POU6F2: variants seen among roughly 807,000 people sequenced by gnomAD.
POU6F2 encodes the protein POU class 6 homeobox 2, also known as POU domain, class 6, transcription factor 2.
A neutral mutation model predicts 71.3 loss-of-function variants in POU6F2; 31 were observed. That is an observed-to-expected ratio of 0.43 (90% confidence interval 0.33 to 0.59). POU6F2 has a LOEUF of 0.59. Among genes scored for constraint, POU6F2 ranks in the 20% least tolerant of loss-of-function variants. The pLI, the probability that POU6F2 is intolerant of heterozygous loss-of-function variation, is 0.04. For missense variants in POU6F2, 783 were observed against 856.8 expected, an observed-to-expected ratio of 0.91 and a Z score of 1.07; for synonymous variants, 347 against 355.7, an observed-to-expected ratio of 0.98 and a Z score of 0.27.
intron 4 of POU6F2, among the ~76,000 whole-genome samples, chr7:39,280,628 G>A (rs67835487): frequency 0.49 from 74,017 of 152,016 alleles, 19,388 homozygotes; most frequent in East Asian, 0.69. Flanking sequence ...GTAATTTAAG[G>A]GGGGCAGTGA....
chr7:39,185,833 GTA>G (rs1469392717), intron 2 of POU6F2, among the ~76,000 whole-genome samples: 19 of 123,706 alleles, frequency 1.5e-4, no homozygotes, highest in Middle Eastern at 3.8e-3. Context: ...ATATGTATAT[GTA>G]TATGTATATG....
chr7:39,132,424 A>G (rs2280668), intron 2 of POU6F2: 66,979 of 151,922 alleles, frequency 0.44, 15,168 homozygotes, highest in East Asian at 0.69. Flanking sequence ...TGATGACCCT[A>G]CAATTTCAGA....
intron 5 of POU6F2, among the ~76,000 whole-genome samples, chr7:39,376,369 G>T (rs1351181622): frequency 6.6e-6 from 1 of 152,188 alleles, no homozygotes; most frequent in African/African-American, 2.4e-5. Flanking sequence ...AATAAACTGT[G>T]TTGGAGGAGT....
At chr7:39,006,062 T>C (rs1210162749) in intron 1 of POU6F2, among the ~76,000 whole-genome samples, 10 of 152,198 alleles carry the variant, frequency 6.6e-5, no homozygotes, top group South Asian at 2.1e-4. Context: ...TATTGTGGTA[T>C]TGGGGGGACA....
chr7:39,135,536 T>C (rs1792372925), intron 2 of POU6F2, among the ~76,000 whole-genome samples: 1 of 151,914 alleles, frequency 6.6e-6, no homozygotes, highest in South Asian at 2.1e-4. Context: ...CATTAATACA[T>C]CAAGTCAATA....
rs1345861201 is a variant in POU6F2 at position 38,990,473 on chromosome 7, G to C, written c.105+12415G>C. On this transcript the variant is annotated intron_variant, in intron 1 of 9. Transcript: ENST00000518318. ...TGTGTTATGAGTGTAAGGCCAAATA[G>C]AGTGTACTCCTAAATATCTCCTTTC... Among the ~76,000 whole-genome samples, 3 of 152,186 alleles carry C rather than the reference G, an allele frequency of 2.0e-5. No homozygotes were observed. In the East Asian group the frequency reaches 5.8e-4, roughly 29 times the overall value.
At chr7:39,012,669 G>A (rs1481221942) in intron 1 of POU6F2, among the ~76,000 whole-genome samples, 4 of 152,032 alleles carry the variant, frequency 2.6e-5, no homozygotes, top group Non-Finnish European at 4.4e-5. Flanking sequence ...TCTACTTTTG[G>A]TCTTTGATGA....
intron 4 of POU6F2, among the ~76,000 whole-genome samples, chr7:39,222,138 G>C (rs996885350): frequency 6.6e-6 from 1 of 152,206 alleles, no homozygotes; most frequent in Non-Finnish European, 1.5e-5. Flanking sequence ...GAATGTTTCA[G>C]AGGGAATGCT....
chr7:39,232,081 A>G (rs568324339), intron 4 of POU6F2, among the ~76,000 whole-genome samples: 2 of 152,360 alleles, frequency 1.3e-5, no homozygotes, highest in Non-Finnish European at 2.9e-5. Flanking sequence ...TAGAAAAGTC[A>G]AAGTATAAAA....
At chr7:39,201,349 C>T (rs547283349) in intron 2 of POU6F2, among the ~76,000 whole-genome samples, 8 of 152,146 alleles carry the variant, frequency 5.3e-5, no homozygotes, top group South Asian at 2.1e-4. Context: ...AAATTGGAAT[C>T]GAGGTGGAAT....
At chr7:39,128,478 T>C (rs1399550910) in intron 2 of POU6F2, among the ~76,000 whole-genome samples, 3 of 152,176 alleles carry the variant, frequency 2.0e-5, no homozygotes, top group Non-Finnish European at 4.4e-5. Flanking sequence ...ACATGTGGAT[T>C]ATTACATATA....
chr7:39,111,402 A>G (rs545827536), intron 2 of POU6F2, among the ~76,000 whole-genome samples: 1 of 152,290 alleles, frequency 6.6e-6, no homozygotes, highest in African/African-American at 2.4e-5. Flanking sequence ...GTAAAACGAA[A>G]GTGAAGAGTT....
intron 5 of POU6F2, 151 bp from the exon 6 acceptor site, chr7:39,406,449 G>T (rs1248849147): frequency 1.2e-6 from 1 of 814,958 alleles, no homozygotes; most frequent in East Asian, 2.5e-5. Context: ...AGAGCTTCCG[G>T]GGGAATGTTC....
chr7:39,283,157 T>C (rs1784590585), intron 4 of POU6F2, among the ~76,000 whole-genome samples: 2 of 152,184 alleles, frequency 1.3e-5, no homozygotes, highest in Admixed American at 1.3e-4. Flanking sequence ...TGGATTCATT[T>C]ATTAGTTTTA....
At chr7:39,133,399 G>A (rs991636770) in intron 2 of POU6F2, among the ~76,000 whole-genome samples, 1 of 152,230 alleles carries the variant, frequency 6.6e-6, no homozygotes, top group Non-Finnish European at 1.5e-5. Flanking sequence ...AGAGAGCAGG[G>A]CTGTGTCAGT....
At chr7:39,158,719 G>A (rs1792926774) in intron 2 of POU6F2, among the ~76,000 whole-genome samples, 1 of 152,142 alleles carries the variant, frequency 6.6e-6, no homozygotes, top group African/African-American at 2.4e-5. Flanking sequence ...CCACCAATTG[G>A]ATGGTGCCCA....
intron 4 of POU6F2, among the ~76,000 whole-genome samples, chr7:39,260,067 A>T (rs1455348351): frequency 6.6e-6 from 1 of 151,288 alleles, no homozygotes; most frequent in Non-Finnish European, 1.5e-5. Context: ...TAATCCATAC[A>T]CATACGATAC....
chr7:39,275,538 T>G (rs1158046172), intron 4 of POU6F2, among the ~76,000 whole-genome samples: 1 of 152,130 alleles, frequency 6.6e-6, no homozygotes, highest in Non-Finnish European at 1.5e-5. Flanking sequence ...CTTCACTGAA[T>G]TGGAAAAAAC....
chr7:38,998,838 T>TTTTTTTTTTTTG (rs869182741), intron 1 of POU6F2, among the ~76,000 whole-genome samples: 37 of 141,380 alleles, frequency 2.6e-4, no homozygotes, highest in Non-Finnish European at 4.1e-4. Context: ...TTTTTTTTTT[T>TTTTTTTTTTTTG]TATTTTCAGT....
Sources: gnomAD v4.1 joint callset for allele counts (sites outside exome capture counted in the v4.1 genomes callset) on GRCh38, gnomAD v4.1.1 for gene constraint, MANE v1.5 for transcripts, NCBI Gene and HGNC (gene_info 2026-07-23, HGNC 2026-07-21) for gene names.